The following RAP1GAP2 variants were observed in gnomAD, a reference collection of about 807,000 sequenced individuals.
RAP1GAP2 encodes the protein RAP1 GTPase activating protein 2.
Under a neutral mutation model 95.0 loss-of-function variants are expected in RAP1GAP2, and 27 were observed. The ratio of observed to expected loss-of-function variants is 0.28; its 90% CI spans 0.21 to 0.39. The LOEUF (loss-of-function observed/expected upper bound fraction) is 0.39, where lower values mean the gene tolerates loss of function less well. Among genes scored for constraint, RAP1GAP2 ranks in the 10% least tolerant of loss-of-function variants. RAP1GAP2 has a pLI of 1.00. For missense variants in RAP1GAP2, 771 were observed against 970.0 expected (o/e 0.79, Z 2.72); for synonymous variants, 373 against 380.9 (o/e 0.98, Z 0.24).
intron 2 of RAP1GAP2, among the ~76,000 whole-genome samples, chr17:2,887,116 G>A (rs996961330): frequency 7.2e-5 from 11 of 152,052 alleles, no homozygotes; most frequent in African/African-American, 2.7e-4. Flanking sequence ...TGTTGCTCAG[G>A]CTGGAGTGCA....
At chr17:2,872,920 T>C (rs558977060) in intron 2 of RAP1GAP2, among the ~76,000 whole-genome samples, 4 of 151,812 alleles carry the variant, frequency 2.6e-5, no homozygotes, top group Non-Finnish European at 5.9e-5. Context: ...AACCTCAGCC[T>C]CCCAAAAGTG....
intron 2 of RAP1GAP2, among the ~76,000 whole-genome samples, chr17:2,830,482 G>A (rs908369334): frequency 4.6e-5 from 7 of 152,026 alleles, no homozygotes; most frequent in African/African-American, 1.4e-4. Context: ...TTGGGAGGCC[G>A]AGGCGGGCAG....
chr17:3,012,331 C>T (rs559100304), intron 17 of RAP1GAP2, among the ~76,000 whole-genome samples: 8 of 151,546 alleles, frequency 5.3e-5, no homozygotes, highest in South Asian at 2.1e-4. Flanking sequence ...AAAGACTGAA[C>T]GTTTGGCTGG....
intron 8 of RAP1GAP2, among the ~76,000 whole-genome samples, chr17:2,969,183 A>ATCTATCTATCTATCTATCTATCTATC (rs1309428763): frequency 1.8e-4 from 13 of 73,216 alleles, no homozygotes; most frequent in Admixed American, 4.9e-4. Context: ...ATCTATCTAT[A>ATCTATCTATCTATCTATCTATCTATC]TATATATATA....
intron 16 of RAP1GAP2, among the ~76,000 whole-genome samples, 170 bp downstream of exon 16, chr17:3,006,211 C>T (rs187945345): frequency 4.0e-5 from 6 of 150,560 alleles, no homozygotes; most frequent in African/African-American, 1.5e-4. Flanking sequence ...TCACCACAAC[C>T]TCTGCCTCCC....
At chr17:2,798,693 G>A (rs1403643684) in intron 1 of RAP1GAP2, among the ~76,000 whole-genome samples, 5 of 152,150 alleles carry the variant, frequency 3.3e-5, no homozygotes, top group African/African-American at 1.2e-4. Flanking sequence ...AGGAGCCTTG[G>A]CTTCCTGAAA....
intron 1 of RAP1GAP2, among the ~76,000 whole-genome samples, chr17:2,759,241 T>G (rs1280584284): frequency 2.0e-5 from 3 of 152,208 alleles, no homozygotes; most frequent in Non-Finnish European, 4.4e-5. Flanking sequence ...CTTGAATCTA[T>G]ATCTGTGCAT....
intron 3 of RAP1GAP2, among the ~76,000 whole-genome samples, chr17:2,950,633 C>T (rs1471748581): frequency 4.4e-5 from 5 of 112,776 alleles, no homozygotes; most frequent in African/African-American, 1.5e-4. Context: ...TTTTTTGAGA[C>T]AGAGTCTTGC....
At chr17:2,913,621 G>A (rs558915421) in intron 3 of RAP1GAP2, among the ~76,000 whole-genome samples, 1 of 152,224 alleles carries the variant, frequency 6.6e-6, no homozygotes, top group South Asian at 2.1e-4. Context: ...ACTTGCTTAT[G>A]CTTCTGGAAG....
At chr17:2,928,207 C>T (rs2151785794) in intron 3 of RAP1GAP2, among the ~76,000 whole-genome samples, 1 of 152,346 alleles carries the variant, frequency 6.6e-6, no homozygotes, top group South Asian at 2.1e-4. Flanking sequence ...GCTTCCCATT[C>T]ACACATCGCC....
chr17:2,774,874 G>C (rs1437628329), upstream of RAP1GAP2, among the ~76,000 whole-genome samples: 2 of 145,200 alleles, frequency 1.4e-5, no homozygotes, highest in African/African-American at 5.2e-5. Flanking sequence ...AGGCTGGAGT[G>C]CAGTGATGCG....
At chr17:2,997,349 C>T (rs1597829578) in intron 13 of RAP1GAP2, among the ~76,000 whole-genome samples, 1 of 152,184 alleles carries the variant, frequency 6.6e-6, no homozygotes, top group Non-Finnish European at 1.5e-5. Flanking sequence ...GTAATTTTGC[C>T]CTTGCCTCTG....
chr17:2,918,550 A>G (rs144784110), intron 3 of RAP1GAP2, among the ~76,000 whole-genome samples: 1,901 of 151,796 alleles, frequency 0.013, 38 homozygotes, highest in Non-Finnish European at 0.015. Flanking sequence ...ACTTTTATTC[A>G]TGGTGGAAGG....
chr17:2,960,419 G>A (rs1398923383), intron 4 of RAP1GAP2, among the ~76,000 whole-genome samples: 1 of 152,226 alleles, frequency 6.6e-6, no homozygotes, highest in East Asian at 1.9e-4. Flanking sequence ...TTGTGTGTGT[G>A]TGAGGGGAGC....
chr17:2,981,372 C>A, intron 10 of RAP1GAP2, 124 bp downstream of exon 10: 1 of 866,944 alleles, frequency 1.2e-6, no homozygotes. Context: ...AATAAGCTTC[C>A]ATGTCTCCCT....
Position 2,836,538 on chromosome 17 carries a change from A to T in RAP1GAP2, c.80+35988A>T, listed in dbSNP as rs552394819. On this transcript the variant is annotated intron_variant, in intron 2 of 24. Transcript: ENST00000254695. ...TCCCAGCTCCTCAAAAGGCTGAGGT[A>T]CGAGAATCGCTTGGACCTGGGAGGC... Among the ~76,000 whole-genome samples the T allele has an allele frequency of 1.5e-4, 23 of 152,248 alleles. No homozygotes were observed. The South Asian group carries it at 4.8e-3, about 32-fold the overall frequency.
chr17:2,819,794 CCT>C (rs1491192372), intron 2 of RAP1GAP2, among the ~76,000 whole-genome samples: 89 of 144,990 alleles, frequency 6.1e-4, no homozygotes, highest in Non-Finnish European at 1.1e-3. Flanking sequence ...CTCTCTTTCT[CCT>C]TTTTTTTTTT....
chr17:2,787,361 C>A (rs2068811238), intron 1 of RAP1GAP2, among the ~76,000 whole-genome samples: 1 of 150,068 alleles, frequency 6.7e-6, no homozygotes, highest in South Asian at 2.1e-4. Context: ...CTCAAGTGAT[C>A]CTTCCACATC....
upstream of RAP1GAP2, among the ~76,000 whole-genome samples, chr17:2,775,839 A>G (rs2068486694): frequency 6.6e-6 from 1 of 152,194 alleles, no homozygotes; most frequent in South Asian, 2.1e-4. Context: ...GTTCAGGAGC[A>G]TCCTTGGTTT....
Sources: gnomAD v4.1 joint callset for allele counts (sites outside exome capture counted in the v4.1 genomes callset) on GRCh38, gnomAD v4.1.1 for gene constraint, MANE v1.5 for transcripts, NCBI Gene and HGNC (gene_info 2026-07-23, HGNC 2026-07-21) for gene names.